ANKS1B: variants seen among roughly 807,000 people sequenced by gnomAD.
ANKS1B encodes ankyrin repeat and sterile alpha motif domain containing 1B, also known as ankyrin repeat and sterile alpha motif domain-containing protein 1B.
A neutral mutation model predicts 148.3 loss-of-function variants in ANKS1B; 36 were observed. The ratio of observed to expected loss-of-function variants is 0.24; its 90% CI spans 0.19 to 0.32. The LOEUF is 0.32. ANKS1B is among the 10% of genes least tolerant of loss of function. ANKS1B has a pLI of 1.00. For synonymous variants in ANKS1B, 542 were observed against 560.8 expected (o/e 0.97, Z 0.47); for missense variants, 1,157 against 1,542.6 (o/e 0.75, Z 4.19).
intron 17 of ANKS1B, among the ~76,000 whole-genome samples, chr12:98,906,082 A>G (rs2099778628): frequency 6.6e-6 from 1 of 152,174 alleles, no homozygotes; most frequent in Non-Finnish European, 1.5e-5. Context: ...TCATTTAGTA[A>G]ATTACTACAT....
chr12:99,849,834 C>T (rs908922126), intron 1 of ANKS1B, among the ~76,000 whole-genome samples: 2 of 152,054 alleles, frequency 1.3e-5, no homozygotes, highest in African/African-American at 2.4e-5. Context: ...TAGAACAGGG[C>T]ACAACTGGGG....
At chr12:99,863,267 T>C (rs2090274725) in intron 1 of ANKS1B, among the ~76,000 whole-genome samples, 1 of 151,956 alleles carries the variant, frequency 6.6e-6, no homozygotes, top group Non-Finnish European at 1.5e-5. Context: ...AAGTCAACAT[T>C]CCCCAAAACC....
intron 8 of ANKS1B, among the ~76,000 whole-genome samples, chr12:99,723,149 C>T (rs1331734867): frequency 1.3e-5 from 2 of 152,126 alleles, no homozygotes; most frequent in Non-Finnish European, 2.9e-5. Context: ...TGGGGAGGGG[C>T]GACTAGCACC....
At chr12:99,894,539 A>T (rs1435311603) in intron 1 of ANKS1B, among the ~76,000 whole-genome samples, 2 of 149,888 alleles carry the variant, frequency 1.3e-5, no homozygotes, top group Non-Finnish European at 3.0e-5. Flanking sequence ...AACAAGGTAC[A>T]AATCGTGCTT....
chr12:99,452,509 T>C (rs2095760932), intron 10 of ANKS1B, among the ~76,000 whole-genome samples: 1 of 152,206 alleles, frequency 6.6e-6, no homozygotes, highest in South Asian at 2.1e-4. Flanking sequence ...TATATGCTCA[T>C]TAAATAGATA....
chr12:99,641,330 A>G (rs2098302548), intron 9 of ANKS1B, among the ~76,000 whole-genome samples: 1 of 152,234 alleles, frequency 6.6e-6, no homozygotes, highest in African/African-American at 2.4e-5. Context: ...TTACTTGCCC[A>G]AGATTTTATG....
At chr12:99,451,757 T>A (rs10777991) in intron 10 of ANKS1B, among the ~76,000 whole-genome samples, 50,568 of 151,874 alleles carry the variant, frequency 0.33, 9,366 homozygotes, top group African/African-American at 0.5. Flanking sequence ...CACATAGTGT[T>A]ACAAAGACAA....
intron 1 of ANKS1B, among the ~76,000 whole-genome samples, chr12:99,873,096 T>C (rs969749841): frequency 9.9e-5 from 15 of 152,200 alleles, no homozygotes; most frequent in East Asian, 1.9e-4. Flanking sequence ...CATAGGGCTA[T>C]TGTGAAGATT....
chr12:98,977,928 G>T (rs1396218602), intron 17 of ANKS1B, among the ~76,000 whole-genome samples: 1 of 152,208 alleles, frequency 6.6e-6, no homozygotes, highest in Non-Finnish European at 1.5e-5. Flanking sequence ...TGTAATTGAT[G>T]AGCTCATCAA....
At chr12:98,884,198 G>A (rs145162072) in intron 17 of ANKS1B, among the ~76,000 whole-genome samples, 2 of 152,174 alleles carry the variant, frequency 1.3e-5, no homozygotes, top group African/African-American at 2.4e-5. Flanking sequence ...TAGTGTTAGT[G>A]TATAGACCAA....
At chr12:99,282,533 G>T (rs1452262817) in intron 12 of ANKS1B, among the ~76,000 whole-genome samples, 1 of 152,124 alleles carries the variant, frequency 6.6e-6, no homozygotes, top group Non-Finnish European at 1.5e-5. Context: ...GTCGAAGCAG[G>T]CCAATTAAAA....
At chr12:99,602,536 G>C (rs2097811142) in intron 9 of ANKS1B, among the ~76,000 whole-genome samples, 1 of 152,060 alleles carries the variant, frequency 6.6e-6, no homozygotes, top group Non-Finnish European at 1.5e-5. Context: ...GTATCTTCAG[G>C]TGAAGACAGT....
chr12:98,756,433 G>C (rs915368565), intron 25 of ANKS1B, among the ~76,000 whole-genome samples: 5 of 151,870 alleles, frequency 3.3e-5, no homozygotes, highest in Non-Finnish European at 7.4e-5. Context: ...ACCCAGTCTC[G>C]GGTATGTCTT....
chr12:99,353,088 C>G (rs2091606082), intron 12 of ANKS1B, among the ~76,000 whole-genome samples: 2 of 151,998 alleles, frequency 1.3e-5, no homozygotes, highest in South Asian at 4.1e-4. Context: ...TTACCCTTCT[C>G]CTAATTAGAA....
intron 17 of ANKS1B, among the ~76,000 whole-genome samples, chr12:98,950,622 A>AT (rs2099852672): frequency 6.6e-6 from 1 of 150,378 alleles, no homozygotes; most frequent in East Asian, 2.0e-4. Flanking sequence ...ACAAATCCAG[A>AT]TTTTTTAGTC....
chr12:99,880,521 G>A (rs555708725), intron 1 of ANKS1B, among the ~76,000 whole-genome samples: 67 of 152,242 alleles, frequency 4.4e-4, no homozygotes, highest in African/African-American at 1.5e-3. Context: ...CTAACTTAAA[G>A]GAAGATTTCA....
intron 8 of ANKS1B, among the ~76,000 whole-genome samples, chr12:99,719,010 AAAC>A (rs1392115808): frequency 1.3e-5 from 2 of 152,140 alleles, no homozygotes; most frequent in African/African-American, 2.4e-5. Context: ...ATCCCTTACA[AAAC>A]AACAACTCCT....
intron 8 of ANKS1B, among the ~76,000 whole-genome samples, chr12:99,722,288 AGAG>A (rs910074498): frequency 2.6e-5 from 4 of 152,232 alleles, no homozygotes; most frequent in East Asian, 1.9e-4. Context: ...TCATAACCAG[AGAG>A]GAGAAGTCAA....
At chr12:98,940,340 A>G (rs961595559) in intron 17 of ANKS1B, among the ~76,000 whole-genome samples, 3 of 152,184 alleles carry the variant, frequency 2.0e-5, no homozygotes, top group Non-Finnish European at 2.9e-5. Flanking sequence ...CAGCCTACTG[A>G]TGCACTATTT....
Sources: allele counts gnomAD v4.1 joint callset (sites outside exome capture counted in the v4.1 genomes callset), GRCh38; gene constraint gnomAD v4.1.1; transcripts MANE v1.5; gene names NCBI Gene and HGNC (gene_info 2026-07-23, HGNC 2026-07-21).